The following FAM117A variants were observed in gnomAD, a reference collection of about 807,000 sequenced individuals.
FAM117A encodes the protein family with sequence similarity 117 member A, also known as protein FAM117A.
FAM117A carries 21 observed loss-of-function variants against 44.1 expected under a neutral mutation model. That is an observed-to-expected ratio of 0.48 (90% CI 0.34 to 0.69). The LOEUF is 0.69. Among genes scored for constraint, FAM117A ranks in the 30% least tolerant of loss-of-function variants. The probability of loss-of-function intolerance (pLI) is 0.01; values close to 1 mark genes in which losing one functional copy is unlikely to be tolerated. For missense variants in FAM117A, 498 were observed against 589.9 expected (o/e 0.84, Z 1.61); for synonymous variants, 220 against 238.3 (o/e 0.92, Z 0.71).
intron 1 of FAM117A, among the ~76,000 whole-genome samples, chr17:49,755,537 T>G (rs1344955536): frequency 6.6e-6 from 1 of 152,212 alleles, no homozygotes; most frequent in African/African-American, 2.4e-5. Flanking sequence ...ATTGGCTGTT[T>G]CCATGGATCG....
chr17:49,737,339 T>C (rs1348123821), intron 1 of FAM117A, among the ~76,000 whole-genome samples: 1 of 152,226 alleles, frequency 6.6e-6, no homozygotes, highest in East Asian at 1.9e-4. Flanking sequence ...AATGCTGTCC[T>C]ACGGGCCTCC....
At chr17:49,748,648 C>T (rs2073663083) in intron 1 of FAM117A, among the ~76,000 whole-genome samples, 1 of 152,052 alleles carries the variant, frequency 6.6e-6, no homozygotes, top group South Asian at 2.1e-4. Flanking sequence ...ACAACTTAAC[C>T]ATGGTCAGGA....
chr17:49,767,320 CT>C (rs1301819219), upstream of FAM117A, among the ~76,000 whole-genome samples: 2 of 152,184 alleles, frequency 1.3e-5, no homozygotes, highest in Admixed American at 6.6e-5. Context: ...GCAACAAAAC[CT>C]TTGCCACTGC....
rs1400850132 is a variant in FAM117A, at chr17:49,716,298, G to A, written c.928C>T (p.Pro310Ser). 1.3e-6 allele frequency: 2 copies of A among 1,598,972 alleles called. No homozygotes were observed. The highest frequency in any genetic ancestry group is 3.4e-5 in the Admixed American group (2 of 58,824). Residue 310 changes from proline to serine, a missense_variant, in exon 7 of 8, where the codon CCA becomes TCA. Around this residue, in one of 3 missense-constraint regions of FAM117A, gnomAD observed 224 missense variants for 296.5 expected, o/e 0.76. Transcript: ENST00000240364. Reference sequence around the variant, plus strand: ...GGGCTGCCATCTTCAAGAAAGGCTGGGTGTCCTGGAGAGGAGGCTGTGAAC... The same window carrying A: ...GGGCTGCCATCTTCAAGAAAGGCTGAGTGTCCTGGAGAGGAGGCTGTGAAC... ...PNDKASSPGH[P>S]AFLEDGSPSP...
chr17:49,743,014 C>T (rs1048890093), intron 1 of FAM117A, among the ~76,000 whole-genome samples: 1 of 152,136 alleles, frequency 6.6e-6, no homozygotes, highest in African/African-American at 2.4e-5. Context: ...TATGACACAC[C>T]CCCATGTAGA....
chr17:49,737,177 T>C (rs957539996), intron 1 of FAM117A, among the ~76,000 whole-genome samples: 8 of 152,208 alleles, frequency 5.3e-5, no homozygotes, highest in African/African-American at 1.9e-4. Flanking sequence ...GCCTAGTAAG[T>C]TGGTGACAGG....
chr17:49,760,805 T>C (rs1163576145), intron 1 of FAM117A, among the ~76,000 whole-genome samples: 1 of 152,238 alleles, frequency 6.6e-6, no homozygotes, highest in Non-Finnish European at 1.5e-5. Flanking sequence ...GTCAGCGGCC[T>C]CTAACTGACA....
intron 1 of FAM117A, among the ~76,000 whole-genome samples, chr17:49,782,700 A>AC (rs2073793413): frequency 4.0e-5 from 5 of 125,254 alleles, no homozygotes; most frequent in Non-Finnish European, 5.8e-5. Flanking sequence ...AAAAAAAAAA[A>AC]AAAAAAAAAA....
chr17:49,722,511 G>A lies in FAM117A; in HGVS notation c.450C>T (p.Asp150=). ...AGTGGGTAGCTACCTCTTTTCGGTG[G>A]TCTGTGCTGCCCCAGGATGCTGAGC... ...HKRSASWGST[D]HRKEISKLKQ... is the part of the protein sequence containing the mutation. Residue 150 remains aspartate, a synonymous_variant, in exon 3 of 8, where the codon GAC becomes GAT. Transcript: ENST00000240364. 6.2e-7 allele frequency: 1 copy of A among 1,613,838 alleles called. No homozygotes were observed. The highest frequency in any genetic ancestry group is 8.5e-7 in the Non-Finnish European group (1 of 1,179,868).
At chr17:49,745,832 C>T (rs1401951058) in intron 1 of FAM117A, among the ~76,000 whole-genome samples, 1 of 152,178 alleles carries the variant, frequency 6.6e-6, no homozygotes, top group African/African-American at 2.4e-5. Context: ...ACTTTTAAAA[C>T]AGACATAACC....
chr17:49,768,609 G>C (rs1038188457), upstream of FAM117A, among the ~76,000 whole-genome samples: 2 of 152,122 alleles, frequency 1.3e-5, no homozygotes, highest in Non-Finnish European at 2.9e-5. Flanking sequence ...GTCAGGACTG[G>C]CTCCTCAGGG....
chr17:49,712,313 A>G (rs773564771), intron 7 of FAM117A, among the ~76,000 whole-genome samples: 21 of 152,148 alleles, frequency 1.4e-4, no homozygotes, highest in Non-Finnish European at 2.9e-5. Context: ...GGATGGAGGC[A>G]TTGTCCTGTG....
chr17:49,731,360 T>C (rs2073583985), intron 2 of FAM117A, among the ~76,000 whole-genome samples: 1 of 152,188 alleles, frequency 6.6e-6, no homozygotes, highest in Admixed American at 6.5e-5. Flanking sequence ...GCGTTTAAAC[T>C]GCATCAAAAG....
chr17:49,785,901 C>G (rs868246366), intron 1 of FAM117A, among the ~76,000 whole-genome samples: 1 of 152,276 alleles, frequency 6.6e-6, no homozygotes, highest in East Asian at 1.9e-4. Context: ...AGAGTGTCAA[C>G]GTGAAGTCTG....
chr17:49,721,483 T>C (rs903265384), intron 3 of FAM117A, among the ~76,000 whole-genome samples: 8 of 152,366 alleles, frequency 5.3e-5, no homozygotes, highest in Admixed American at 1.3e-4. Context: ...ACTCTGACCA[T>C]TGAAAAGTTT....
At chr17:49,762,211 C>T (rs992347801) in intron 1 of FAM117A, among the ~76,000 whole-genome samples, 3 of 152,158 alleles carry the variant, frequency 2.0e-5, no homozygotes, top group Non-Finnish European at 4.4e-5. Flanking sequence ...CAGTTTCCAG[C>T]TACTATACAG....
intron 6 of FAM117A, 107 bp from the exon 7 acceptor site, chr17:49,716,422 G>C: frequency 2.0e-6 from 2 of 988,812 alleles, no homozygotes; most frequent in Non-Finnish European, 2.9e-6. Context: ...ACATGGTAAG[G>C]AAGAGGGTAG....
intron 3 of FAM117A, among the ~76,000 whole-genome samples, chr17:49,721,745 G>A (rs1230176620): frequency 1.3e-5 from 2 of 152,310 alleles, no homozygotes; most frequent in East Asian, 3.9e-4. Flanking sequence ...GGGAGAGGGA[G>A]GGCCAGGAAA....
At position 49,711,440 on chromosome 17, in the gene FAM117A, C is replaced by G. The variant is rs751333354; in HGVS notation, c.1177G>C (p.Gly393Arg). 2 of 1,613,594 alleles carry G rather than the reference C, an allele frequency of 1.2e-6. No homozygotes were observed. The highest frequency in any genetic ancestry group is 2.2e-5 in the South Asian group (2 of 91,048). The stretch of plus-strand genomic sequence containing the variant: ...CAGTTACGGAAGATGAAGCCCATGC[C>G]GGGGAAGAGGGGCTTCATCAGGTTG... The part of the protein sequence containing the change: ...PVNLMKPLFP[G>R]MGFIFRNCPS... Residue 393 changes from glycine (G) to arginine (R), a missense_variant, in exon 8 of 8, where the codon GGC (glycine) becomes CGC (arginine). Around this residue, in one of 3 missense-constraint regions of FAM117A, gnomAD observed 224 missense variants for 296.5 expected, o/e 0.76. Transcript: ENST00000240364.
Sources: gnomAD v4.1 joint callset for allele counts (sites outside exome capture counted in the v4.1 genomes callset) on GRCh38, gnomAD v4.1.1 for gene constraint, gnomAD v4.1.1 regional missense constraint, MANE v1.5 for transcripts, NCBI Gene and HGNC (gene_info 2026-07-23, HGNC 2026-07-21) for gene names.